The following AAGAB variants were observed in gnomAD, a reference collection of about 807,000 sequenced individuals.
The protein encoded by AAGAB is alpha- and gamma-adaptin-binding protein p34.
AAGAB carries 38 observed loss-of-function variants against 44.1 expected under a neutral mutation model. The observed-to-expected ratio is 0.86, with a 90% CI of 0.67 to 1.13. AAGAB has a LOEUF of 1.13. Among genes scored for constraint, AAGAB ranks in the 50% most tolerant of loss-of-function variants. The probability of loss-of-function intolerance (pLI) is 0.00; values close to 1 mark genes in which losing one functional copy is unlikely to be tolerated. For synonymous variants in AAGAB, 131 were observed against 131.8 expected (o/e 0.99, Z 0.04); for missense variants, 450 against 373.8 (o/e 1.20, Z -1.68).
At chr15:67,217,745 C>T (rs548180733) in intron 5 of AAGAB, among the ~76,000 whole-genome samples, 117 of 152,252 alleles carry the variant, frequency 7.7e-4, no homozygotes, top group Middle Eastern at 6.8e-3. Flanking sequence ...ACCATGTTGG[C>T]CAGGCTGGTC....
chr15:67,209,629 T>C (rs1404396816), intron 5 of AAGAB, 85 bp from the exon 6 acceptor site: 10 of 1,090,608 alleles, frequency 9.2e-6, no homozygotes, highest in Non-Finnish European at 1.3e-5. Context: ...CAAAGGCTAC[T>C]TATTTGTTAC....
chr15:67,221,598 A>G (rs1212777958), intron 5 of AAGAB, among the ~76,000 whole-genome samples: 2 of 152,200 alleles, frequency 1.3e-5, no homozygotes, highest in African/African-American at 4.8e-5. Context: ...CCACTTAGCA[A>G]TAGCACTTAA....
At chr15:67,222,236 GCGCGCGCA>G (rs1174641880) in intron 5 of AAGAB, among the ~76,000 whole-genome samples, 3 of 39,234 alleles carry the variant, frequency 7.6e-5, no homozygotes, top group Non-Finnish European at 1.1e-4. Flanking sequence ...GCGCACGCGC[GCGCGCGCA>G]CACACACACA....
intron 1 of AAGAB, among the ~76,000 whole-genome samples, chr15:67,241,452 C>T (rs541677699): frequency 7.9e-5 from 12 of 152,292 alleles, no homozygotes; most frequent in Admixed American, 2.0e-4. Context: ...AACCTCTCAC[C>T]CCAGATATGA....
chr15:67,247,948 T>C (rs1431256756), intron 1 of AAGAB, among the ~76,000 whole-genome samples: 1 of 152,234 alleles, frequency 6.6e-6, no homozygotes, highest in East Asian at 1.9e-4. Flanking sequence ...AGTTGCTAAG[T>C]TGACCATATT....
At chr15:67,209,677 G>C (rs1963767519) in intron 5 of AAGAB, 133 bp from the exon 6 acceptor site, 3 of 713,520 alleles carry the variant, frequency 4.2e-6, no homozygotes, top group Non-Finnish European at 7.0e-6. Context: ...TTTTGAGACA[G>C]GGTCTCACTC....
At chr15:67,232,557 A>G in intron 4 of AAGAB, 1 of 404,350 alleles carries the variant, frequency 2.5e-6, no homozygotes. Context: ...ACTACCTAAG[A>G]GAGAAATTCG....
chr15:67,221,397 C>A (rs1470273505), intron 5 of AAGAB, among the ~76,000 whole-genome samples: 1 of 152,196 alleles, frequency 6.6e-6, no homozygotes, highest in African/African-American at 2.4e-5. Context: ...CAAAACAGTT[C>A]TTGGATTTCT....
intron 1 of AAGAB, among the ~76,000 whole-genome samples, chr15:67,238,813 A>T (rs984291071): frequency 6.6e-6 from 1 of 151,648 alleles, no homozygotes; most frequent in African/African-American, 2.4e-5. Context: ...CTCCTGCCTC[A>T]GCCTCCCCAG....
At chr15:67,236,581 G>A (rs551139491) in intron 2 of AAGAB, 49 bp downstream of exon 2, 2 of 1,600,580 alleles carry the variant, frequency 1.2e-6, no homozygotes, top group Non-Finnish European at 1.7e-6. Context: ...AAAAAAAGAA[G>A]GCATGCAATA....
intron 7 of AAGAB, among the ~76,000 whole-genome samples, chr15:67,207,409 C>G (rs1963710652): frequency 6.6e-6 from 1 of 152,210 alleles, no homozygotes; most frequent in South Asian, 2.1e-4. Context: ...TGAGTTCATA[C>G]TGATACATTA....
chr15:67,207,860 TTC>T (rs1963720859), intron 7 of AAGAB, among the ~76,000 whole-genome samples: 2 of 17,704 alleles, frequency 1.1e-4, no homozygotes, highest in Non-Finnish European at 4.7e-4. Context: ...TAATTTTTTC[TTC>T]TTCTTCATAT....
At chr15:67,240,653 C>T (rs918463796) in intron 1 of AAGAB, among the ~76,000 whole-genome samples, 2 of 152,306 alleles carry the variant, frequency 1.3e-5, no homozygotes, top group Admixed American at 1.3e-4. Context: ...ATTTGAGAAA[C>T]TTTTTACAAA....
At chr15:67,242,849 G>T (rs1489286567) in intron 1 of AAGAB, 1 of 152,168 alleles carries the variant, frequency 6.6e-6, no homozygotes, top group Non-Finnish European at 1.5e-5. Flanking sequence ...GCATAGACTT[G>T]CTGAGGGAAG....
At chr15:67,225,935 A>G (rs2140365827) in intron 5 of AAGAB, among the ~76,000 whole-genome samples, 1 of 152,238 alleles carries the variant, frequency 6.6e-6, no homozygotes, top group South Asian at 2.1e-4. Context: ...TAACTTTTTG[A>G]GCAACTACTA....
intron 5 of AAGAB, among the ~76,000 whole-genome samples, chr15:67,231,421 T>C (rs1939808603): frequency 1.3e-5 from 2 of 152,236 alleles, no homozygotes; most frequent in Non-Finnish European, 2.9e-5. Context: ...TCTGATTTTA[T>C]GCACTTTACT....
chr15:67,246,590 C>T (rs1411357979), intron 1 of AAGAB, among the ~76,000 whole-genome samples: 2 of 151,488 alleles, frequency 1.3e-5, no homozygotes, highest in African/African-American at 4.8e-5. Context: ...TGCTAGACTT[C>T]CTGGGTCGAG....
intron 1 of AAGAB, among the ~76,000 whole-genome samples, chr15:67,239,231 T>C (rs1964541113): frequency 6.6e-6 from 1 of 152,172 alleles, no homozygotes; most frequent in South Asian, 2.1e-4. Context: ...ACATGAGAAA[T>C]ATAAAATCAC....
At chr15:67,254,255 G>A (rs914654517) in intron 1 of AAGAB, 4 of 449,318 alleles carry the variant, frequency 8.9e-6, no homozygotes, top group Non-Finnish European at 1.4e-5. Context: ...GCAATTTCCG[G>A]AGAGCCTTCA....
Sources: gnomAD v4.1 joint callset for allele counts (sites outside exome capture counted in the v4.1 genomes callset) on GRCh38, gnomAD v4.1.1 for gene constraint, MANE v1.5 for transcripts, NCBI Gene and HGNC (gene_info 2026-07-23, HGNC 2026-07-21) for gene names.